VDAC1: variants seen among roughly 807,000 people sequenced by gnomAD.
VDAC1 encodes the protein non-selective voltage-gated ion channel VDAC1.
A neutral mutation model predicts 34.7 loss-of-function variants in VDAC1; 10 were observed. The observed-to-expected ratio is 0.29, with a 90% CI of 0.18 to 0.49. The LOEUF (loss-of-function observed/expected upper bound fraction) is 0.49. VDAC1 is among the 20% of genes least tolerant of loss of function. VDAC1 has a pLI of 0.99. For missense variants in VDAC1, 230 were observed against 347.9 expected (o/e 0.66, Z 2.69); for synonymous variants, 130 against 136.0 (o/e 0.96, Z 0.30).
chr5:134,056,557 G>A, the VDAC1 span, among the ~76,000 whole-genome samples: 3 of 151,498 alleles, frequency 2.0e-5, no homozygotes, highest in Non-Finnish European at 2.9e-5. Flanking sequence ...CTCTAGCCTC[G>A]GCCTCCCGAA....
the VDAC1 span, among the ~76,000 whole-genome samples, chr5:134,096,588 C>CT: frequency 4.7e-5 from 6 of 128,376 alleles, no homozygotes; most frequent in East Asian, 1.4e-3. Flanking sequence ...TCTATATTTT[C>CT]TTTTCTTTTC....
chr5:134,027,122 C>T, the VDAC1 span, among the ~76,000 whole-genome samples: 2 of 152,176 alleles, frequency 1.3e-5, no homozygotes, highest in African/African-American at 4.8e-5. Context: ...CAGGCCCCAA[C>T]CCCGCCCTAT....
the VDAC1 span, among the ~76,000 whole-genome samples, chr5:134,109,770 C>CAAAAA: frequency 2.3e-3 from 322 of 140,204 alleles, 2 homozygotes; most frequent in African/African-American, 8.6e-3. Flanking sequence ...GGCTCCATCT[C>CAAAAA]AAAAAAAAAA....
chr5:133,996,152 CTGAG>C (rs949802836), intron 1 of VDAC1, among the ~76,000 whole-genome samples: 2 of 152,218 alleles, frequency 1.3e-5, no homozygotes, highest in African/African-American at 4.8e-5. Context: ...GCCTCTCTGC[CTGAG>C]TGATGGCTTC....
chr5:133,998,422 G>C (rs1395909652), intron 1 of VDAC1, among the ~76,000 whole-genome samples: 1 of 152,210 alleles, frequency 6.6e-6, no homozygotes, highest in African/African-American at 2.4e-5. Flanking sequence ...TGTAATCCCA[G>C]CTACTTGGGA....
chr5:133,989,660 CTTTTT>C (rs58777659), intron 5 of VDAC1, among the ~76,000 whole-genome samples: 14 of 145,222 alleles, frequency 9.6e-5, no homozygotes, highest in African/African-American at 3.5e-4. Context: ...GCATCCGACT[CTTTTT>C]TTTTTTTTTC....
chr5:134,107,844 C>T, the VDAC1 span, among the ~76,000 whole-genome samples: 1 of 152,214 alleles, frequency 6.6e-6, no homozygotes, highest in African/African-American at 2.4e-5. Flanking sequence ...TTACTCTTAC[C>T]CCCACTTAAC....
At chr5:134,094,170 C>T in the VDAC1 span, among the ~76,000 whole-genome samples, 7 of 152,338 alleles carry the variant, frequency 4.6e-5, no homozygotes, top group East Asian at 3.9e-4. Flanking sequence ...CAAGCAAGCA[C>T]GAAGCTATTC....
the VDAC1 span, among the ~76,000 whole-genome samples, chr5:134,012,063 GAAA>G: frequency 3.9e-5 from 6 of 151,948 alleles, no homozygotes; most frequent in East Asian, 5.8e-4. Flanking sequence ...GAGAAAGAAA[GAAA>G]AAAAGAAGAA....
the VDAC1 span, among the ~76,000 whole-genome samples, chr5:134,052,707 C>T: frequency 1.3e-5 from 2 of 152,232 alleles, no homozygotes; most frequent in South Asian, 2.1e-4. Context: ...CAGTCCACTT[C>T]CTGAGCACTG....
chr5:133,984,851 G>A (rs907750854), intron 5 of VDAC1, among the ~76,000 whole-genome samples: 2 of 152,122 alleles, frequency 1.3e-5, no homozygotes, highest in African/African-American at 4.8e-5. Context: ...CAGAAGAATC[G>A]CTGGAACCCG....
the VDAC1 span, among the ~76,000 whole-genome samples, chr5:134,065,195 A>C: frequency 1.3e-5 from 2 of 151,976 alleles, no homozygotes; most frequent in Non-Finnish European, 2.9e-5. Context: ...ATTCCAAAAA[A>C]AATTTATATG....
the VDAC1 span, among the ~76,000 whole-genome samples, chr5:134,058,622 T>C: frequency 6.6e-6 from 1 of 152,204 alleles, no homozygotes; most frequent in Non-Finnish European, 1.5e-5. Context: ...GCCCAAGGAC[T>C]CTGACTCTTA....
the VDAC1 span, among the ~76,000 whole-genome samples, chr5:134,030,166 C>G: frequency 6.6e-6 from 1 of 151,992 alleles, no homozygotes; most frequent in Admixed American, 6.6e-5. Flanking sequence ...CATGGAGAAA[C>G]CCTATCTCTA....
chr5:134,039,537 G>A, the VDAC1 span, among the ~76,000 whole-genome samples: 1 of 151,852 alleles, frequency 6.6e-6, no homozygotes, highest in African/African-American at 2.4e-5. Context: ...CACCGTGTTA[G>A]CCAGGATGGT....
At chr5:134,043,932 T>A in the VDAC1 span, among the ~76,000 whole-genome samples, 1 of 152,190 alleles carries the variant, frequency 6.6e-6, no homozygotes, top group South Asian at 2.1e-4. Context: ...TCTCACCTAA[T>A]CCTCACTCCA....
the VDAC1 span, among the ~76,000 whole-genome samples, chr5:134,048,058 C>G: frequency 6.6e-6 from 1 of 152,036 alleles, no homozygotes; most frequent in Non-Finnish European, 1.5e-5. Flanking sequence ...AGCTCCGCCT[C>G]CCGGGTTCAC....
chr5:133,986,834 G>A (rs1457941954), intron 5 of VDAC1, among the ~76,000 whole-genome samples: 2 of 152,122 alleles, frequency 1.3e-5, no homozygotes, highest in East Asian at 1.9e-4. Context: ...TCTGAAAAAC[G>A]ACAGAGGTTT....
the VDAC1 span, among the ~76,000 whole-genome samples, chr5:134,013,306 A>C: frequency 1.6e-3 from 237 of 152,272 alleles, 4 homozygotes; most frequent in South Asian, 0.029. Context: ...ATGGTGGTGC[A>C]CACCTGTAGT....
Sources: gnomAD v4.1 joint callset for allele counts (sites outside exome capture counted in the v4.1 genomes callset) on GRCh38, gnomAD v4.1.1 for gene constraint, MANE v1.5 for transcripts, NCBI Gene and HGNC (gene_info 2026-07-23, HGNC 2026-07-21) for gene names.